The following DNM3 variants were observed in gnomAD, a reference collection of about 807,000 sequenced individuals.
DNM3 encodes the protein dynamin 3.
DNM3 carries 47 observed loss-of-function variants against 101.6 expected under a neutral mutation model. The ratio of observed to expected loss-of-function variants is 0.46; its 90% CI spans 0.37 to 0.59. The LOEUF (loss-of-function observed/expected upper bound fraction) is 0.59. DNM3 is among the 20% of genes least tolerant of loss of function. The pLI is 0.00. For missense variants in DNM3, 849 were observed against 1,085.7 expected (o/e 0.78, Z 3.06); for synonymous variants, 385 against 387.9 (o/e 0.99, Z 0.09).
In DNM3 at chr1:172,034,892, T is replaced by C. The variant is rs1016290674; in HGVS notation, c.849+1627T>C. Among the ~76,000 whole-genome samples the C allele has an allele frequency of 4.8e-4, 73 of 151,986 alleles. 1 individual carries two copies. The highest frequency in any genetic ancestry group is 1.6e-3 in the African/African-American group (66 of 41,374). On this transcript the variant is annotated intron_variant, in intron 6 of 20. Coordinates refer to ENST00000627582, the MANE Select transcript of DNM3 (RefSeq NM_015569.5). ...AATCCTGTAATGTTTCTAGACCAAA[T>C]TGAGGATTTTGGCTCTTACCTAAGA...
At chr1:171,982,713 T>C (rs1378465134) in intron 2 of DNM3, among the ~76,000 whole-genome samples, 2 of 152,194 alleles carry the variant, frequency 1.3e-5, no homozygotes, top group African/African-American at 2.4e-5. Context: ...TACAGTATTA[T>C]AGTAGTATAT....
chr1:172,233,570 TG>T (rs1238376438), intron 14 of DNM3, among the ~76,000 whole-genome samples: 1 of 152,186 alleles, frequency 6.6e-6, no homozygotes, highest in Non-Finnish European at 1.5e-5. Context: ...TACCAAAGCC[TG>T]GCAGAGACAC....
At chr1:172,286,019 T>C (rs2063683864) in intron 15 of DNM3, among the ~76,000 whole-genome samples, 1 of 151,938 alleles carries the variant, frequency 6.6e-6, no homozygotes, top group African/African-American at 2.4e-5. Context: ...TGCCTTGCAT[T>C]GATAGTTCCT....
intron 12 of DNM3, among the ~76,000 whole-genome samples, chr1:172,092,464 A>G (rs1327810811): frequency 1.3e-5 from 2 of 152,234 alleles, no homozygotes; most frequent in Non-Finnish European, 2.9e-5. Context: ...ATTAATATCG[A>G]TAAAGCACTT....
intron 17 of DNM3, among the ~76,000 whole-genome samples, chr1:172,343,503 G>A (rs553682069): frequency 1.3e-5 from 2 of 152,136 alleles, no homozygotes; most frequent in African/African-American, 4.8e-5. Flanking sequence ...TGTCTTGTGG[G>A]GCATACTTAG....
chr1:172,304,866 G>A (rs966638862), intron 15 of DNM3, among the ~76,000 whole-genome samples: 8 of 152,146 alleles, frequency 5.3e-5, no homozygotes, highest in African/African-American at 1.9e-4. Flanking sequence ...CAGAATCTCT[G>A]GGACGCATTT....
intron 4 of DNM3, 139 bp downstream of exon 4, chr1:171,989,287 T>C: frequency 2.0e-6 from 1 of 506,846 alleles, no homozygotes; most frequent in East Asian, 3.8e-5. Context: ...CTTTTGTATT[T>C]TAAATAGAAA....
At chr1:171,902,705 G>T (rs1312475128) in intron 1 of DNM3, among the ~76,000 whole-genome samples, 1 of 151,914 alleles carries the variant, frequency 6.6e-6, no homozygotes, top group Non-Finnish European at 1.5e-5. Flanking sequence ...TTTAGTGATT[G>T]ACTTATCTGT....
intron 17 of DNM3, among the ~76,000 whole-genome samples, chr1:172,372,986 G>A (rs551460342): frequency 6.1e-4 from 93 of 151,888 alleles, no homozygotes; most frequent in Middle Eastern, 3.4e-3. Context: ...GGCCTGTGAT[G>A]AGAATTTTTA....
chr1:172,186,668 C>T (rs750582066), intron 14 of DNM3, among the ~76,000 whole-genome samples: 9 of 152,072 alleles, frequency 5.9e-5, no homozygotes, highest in Non-Finnish European at 1.3e-4. Context: ...GGTCAGCCCC[C>T]TCTCACTGAA....
chr1:172,033,409 A>AG, intron 6 of DNM3, 144 bp downstream of exon 6: 1 of 922,954 alleles, frequency 1.1e-6, no homozygotes, highest in Non-Finnish European at 1.6e-6. Context: ...AATGAATATT[A>AG]GTACCTCAGA....
At chr1:172,241,458 AAT>A (rs538069062) in intron 14 of DNM3, among the ~76,000 whole-genome samples, 42 of 152,206 alleles carry the variant, frequency 2.8e-4, no homozygotes, top group Non-Finnish European at 5.4e-4. Flanking sequence ...AAGCCATAAT[AAT>A]ATATGTTGAC....
chr1:172,266,616 C>T (rs1477396228), intron 15 of DNM3, among the ~76,000 whole-genome samples: 2 of 152,168 alleles, frequency 1.3e-5, no homozygotes, highest in African/African-American at 4.8e-5. Context: ...AATTGCTTGT[C>T]TTCTAAATAC....
At chr1:172,036,723 A>C (rs1029600409) in intron 6 of DNM3, among the ~76,000 whole-genome samples, 11 of 152,296 alleles carry the variant, frequency 7.2e-5, no homozygotes, top group Admixed American at 7.2e-4. Context: ...ACCATTCAGG[A>C]CATAGGCATG....
At chr1:172,207,886 A>G (rs1572955029) in intron 14 of DNM3, among the ~76,000 whole-genome samples, 2 of 152,196 alleles carry the variant, frequency 1.3e-5, no homozygotes, top group South Asian at 4.1e-4. Context: ...TTTCAACTTT[A>G]TATTAGCTTC....
chr1:172,091,375 CAGGGTAA>C (rs1251787649), intron 12 of DNM3, among the ~76,000 whole-genome samples: 2 of 152,070 alleles, frequency 1.3e-5, no homozygotes, highest in Admixed American at 6.6e-5. Context: ...AAAAATCAAA[CAGGGTAA>C]AGGGGATGAT....
intron 2 of DNM3, among the ~76,000 whole-genome samples, chr1:171,968,580 T>C (rs2145383): frequency 0.27 from 41,770 of 152,100 alleles, 6,218 homozygotes; most frequent in Admixed American, 0.36. Context: ...TCTCCTGATA[T>C]CATGGAAGGT....
chr1:171,898,555 C>A (rs2038013821), intron 1 of DNM3, among the ~76,000 whole-genome samples: 1 of 151,960 alleles, frequency 6.6e-6, no homozygotes, highest in Non-Finnish European at 1.5e-5. Context: ...ATTTTAAAAA[C>A]AGATAAAACT....
chr1:172,055,399 G>A (rs2050524217), intron 10 of DNM3, among the ~76,000 whole-genome samples: 1 of 151,874 alleles, frequency 6.6e-6, no homozygotes, highest in East Asian at 1.9e-4. Context: ...ATTTTCAGTT[G>A]CATAGCCTTC....
Sources: gnomAD v4.1 joint callset for allele counts (sites outside exome capture counted in the v4.1 genomes callset) on GRCh38, gnomAD v4.1.1 for gene constraint, MANE v1.5 for transcripts, NCBI Gene and HGNC (gene_info 2026-07-23, HGNC 2026-07-21) for gene names.